IQCB1: variants seen among roughly 807,000 people sequenced by gnomAD.
IQCB1 encodes IQ motif containing B1.
IQCB1 carries 56 observed loss-of-function variants against 84.4 expected under a neutral mutation model. The ratio of observed to expected loss-of-function variants is 0.66; its 90% CI spans 0.54 to 0.83. The LOEUF (loss-of-function observed/expected upper bound fraction) is 0.83. IQCB1 is among the 40% of genes least tolerant of loss of function. The pLI is 0.00. For missense variants in IQCB1, 629 were observed against 682.1 expected (o/e 0.92, Z 0.87); for synonymous variants, 210 against 234.8 (o/e 0.89, Z 0.96).
chr3:121,819,041 T>C (rs1198237704), intron 5 of IQCB1, among the ~76,000 whole-genome samples: 1 of 152,182 alleles, frequency 6.6e-6, no homozygotes, highest in African/African-American at 2.4e-5. Flanking sequence ...TCATGGAAGA[T>C]AATTTCTCCA....
intron 10 of IQCB1, among the ~76,000 whole-genome samples, chr3:121,794,140 A>T (rs1043177312): frequency 8.2e-4 from 119 of 145,220 alleles, no homozygotes; most frequent in Admixed American, 2.2e-3. Flanking sequence ...AAATGCTTTT[A>T]AAAAAAAAAC....
At chr3:121,805,850 T>C (rs888412754) in intron 7 of IQCB1, among the ~76,000 whole-genome samples, 1 of 152,118 alleles carries the variant, frequency 6.6e-6, no homozygotes, top group Non-Finnish European at 1.5e-5. Context: ...GTTCTCTACA[T>C]GTATAGCTCT....
chr3:121,770,551 C>T lies in IQCB1; in HGVS notation c.1591G>A (p.Glu531Lys), dbSNP rs1947929785. The T allele has an allele frequency of 6.2e-7, 1 of 1,613,838 alleles. No individual in the cohort carries two copies. Among genetic ancestry groups the T allele is most frequent in the Non-Finnish European group, 8.5e-7 (1 of 1,179,980 alleles). The change falls in exon 15 of 15, where the codon GAA becomes AAA. Residue 531 changes from glutamate (E) to lysine (K), a missense_variant. Glu to Lys is a moderately conservative substitution (Grantham distance 56, BLOSUM62 1). Coordinates refer to ENST00000310864, the MANE Select transcript of IQCB1 (RefSeq NM_001023570.4). ...LMKAPSLKEA[E>K]GKEPELFLSR... is the part of the protein sequence containing the mutation. ...AGGAAGAGCTCAGGTTCTTTCCCTT[C>T]TGCCTCCTTCAGACTTGGTGCCTCT...
intron 13 of IQCB1, among the ~76,000 whole-genome samples, chr3:121,776,583 TA>T (rs1199749196): frequency 6.6e-6 from 1 of 152,116 alleles, no homozygotes; most frequent in African/African-American, 2.4e-5. Context: ...AAATTTTTAT[TA>T]AAAAAATTAG....
At chr3:121,823,917 A>C (rs1950360378) in intron 5 of IQCB1, among the ~76,000 whole-genome samples, 1 of 152,246 alleles carries the variant, frequency 6.6e-6, no homozygotes, top group South Asian at 2.1e-4. Context: ...ACATGACAAA[A>C]TAGCACAAAA....
chr3:121,794,658 CAGTT>C (rs1248134142), intron 10 of IQCB1, among the ~76,000 whole-genome samples: 4 of 152,126 alleles, frequency 2.6e-5, no homozygotes, highest in African/African-American at 9.7e-5. Flanking sequence ...CTAAGAGACA[CAGTT>C]AGCTAGAGTG....
chr3:121,809,318 T>C (rs538389380), intron 5 of IQCB1, among the ~76,000 whole-genome samples: 1 of 152,048 alleles, frequency 6.6e-6, no homozygotes, highest in African/African-American at 2.4e-5. Context: ...GTTGAGCTTT[T>C]TAAATACATC....
chr3:121,798,086 C>T (rs1474147243), intron 8 of IQCB1, among the ~76,000 whole-genome samples: 1 of 151,858 alleles, frequency 6.6e-6, no homozygotes, highest in Non-Finnish European at 1.5e-5. Context: ...TCCTTTATAA[C>T]GACTCTGTTG....
intron 13 of IQCB1, among the ~76,000 whole-genome samples, chr3:121,774,797 A>G (rs555251758): frequency 6.6e-6 from 1 of 152,326 alleles, no homozygotes; most frequent in Non-Finnish European, 1.5e-5. Flanking sequence ...GCAAGATGAA[A>G]AAAGTTCTGA....
chr3:121,822,105 G>A (rs180713282), intron 5 of IQCB1, among the ~76,000 whole-genome samples: 2 of 152,250 alleles, frequency 1.3e-5, no homozygotes, highest in Admixed American at 6.5e-5. Flanking sequence ...CGAGTCTGCT[G>A]GCATTTGGAC....
intron 7 of IQCB1, among the ~76,000 whole-genome samples, chr3:121,804,177 T>C (rs140164618): frequency 3.3e-4 from 51 of 152,254 alleles, no homozygotes; most frequent in African/African-American, 1.1e-3. Context: ...ACTTCATGTA[T>C]AGTATAAGAG....
At chr3:121,794,032 C>G (rs2108558135) in intron 10 of IQCB1, among the ~76,000 whole-genome samples, 1 of 152,166 alleles carries the variant, frequency 6.6e-6, no homozygotes, top group South Asian at 2.1e-4. Flanking sequence ...GAATTCACCA[C>G]AGAGGCAATA....
chr3:121,831,120 G>A (rs951244150), intron 2 of IQCB1, among the ~76,000 whole-genome samples: 2 of 151,746 alleles, frequency 1.3e-5, no homozygotes, highest in African/African-American at 2.4e-5. Context: ...GGGAGGACAT[G>A]GAAGCTCTGT....
intron 6 of IQCB1, among the ~76,000 whole-genome samples, chr3:121,808,202 G>A (rs1049416493): frequency 6.6e-6 from 1 of 151,900 alleles, no homozygotes; most frequent in East Asian, 1.9e-4. Context: ...ATGAGGGTCA[G>A]GGATTGTGTG....
At chr3:121,781,677 T>G in intron 13 of IQCB1, 66 bp downstream of exon 13, 2 of 1,333,588 alleles carry the variant, frequency 1.5e-6, no homozygotes, top group Non-Finnish European at 2.2e-6. Flanking sequence ...TATGTGTGTG[T>G]GTGTACAGTT....
chr3:121,776,504 G>C (rs954469287), intron 13 of IQCB1, among the ~76,000 whole-genome samples: 1 of 151,942 alleles, frequency 6.6e-6, no homozygotes, highest in Non-Finnish European at 1.5e-5. Flanking sequence ...CTAACCTTTG[G>C]CATGTTCCAT....
At chr3:121,799,008 T>C (rs969658745) in intron 8 of IQCB1, among the ~76,000 whole-genome samples, 188 bp downstream of exon 8, 1 of 151,916 alleles carries the variant, frequency 6.6e-6, no homozygotes, top group Non-Finnish European at 1.5e-5. Context: ...CCACATGCTA[T>C]CTGTAGTGAC....
rs1949704203 is a variant in IQCB1, at chr3:121,808,716, T to C, written c.487+200A>G. Among the ~76,000 whole-genome samples the C allele has an allele frequency of 2.6e-5, 4 of 152,012 alleles. No individual in the cohort carries two copies. The South Asian group carries it at 8.3e-4, about 31-fold the overall frequency. On this transcript the variant is annotated intron_variant, in intron 6 of 14. Transcript: ENST00000310864. ...TTTATTTCAACAGTATTCTCCTTAATTTAATATTCACATTGTTGATGTAGG... is the reference window on the plus strand; with the variant it reads ...TTTATTTCAACAGTATTCTCCTTAACTTAATATTCACATTGTTGATGTAGG...
intron 12 of IQCB1, among the ~76,000 whole-genome samples, chr3:121,787,677 G>A (rs1057370327): frequency 7.2e-5 from 11 of 151,836 alleles, no homozygotes; most frequent in Admixed American, 4.6e-4. Flanking sequence ...CTTGAACCTG[G>A]GAGGCGGAGG....
Sources: gnomAD v4.1 joint callset for allele counts (sites outside exome capture counted in the v4.1 genomes callset) on GRCh38, gnomAD v4.1.1 for gene constraint, MANE v1.5 for transcripts, NCBI Gene and HGNC (gene_info 2026-07-23, HGNC 2026-07-21) for gene names.